The following RBFOX3 variants were observed in gnomAD, a reference collection of about 807,000 sequenced individuals.
The protein encoded by RBFOX3 is RNA binding fox-1 homolog 3, also known as RNA binding protein fox-1 homolog 3.
Under a neutral mutation model 48.7 loss-of-function variants are expected in RBFOX3, and 17 were observed. The observed-to-expected ratio is 0.35, with a 90% confidence interval of 0.24 to 0.52. The LOEUF (loss-of-function observed/expected upper bound fraction) is 0.52, where lower values mean the gene tolerates loss of function less well. Ranked by LOEUF, RBFOX3 falls within the 20% of genes least tolerant of loss-of-function variation. The pLI is 0.94. For missense variants in RBFOX3, 382 were observed against 497.5 expected (o/e 0.77, Z 2.21); for synonymous variants, 212 against 209.5 (o/e 1.01, Z -0.10).
chr17:79,608,588 C>A (rs2093891951), intron 1 of RBFOX3, among the ~76,000 whole-genome samples: 1 of 152,232 alleles, frequency 6.6e-6, no homozygotes. Flanking sequence ...ACGCACGCAG[C>A]CACCTCGCCA....
chr17:79,490,556 G>A (rs1398031456), intron 1 of RBFOX3, among the ~76,000 whole-genome samples: 1 of 152,132 alleles, frequency 6.6e-6, no homozygotes, highest in Non-Finnish European at 1.5e-5. Context: ...CCTGGCTATG[G>A]CTGGCTTGCT....
At chr17:79,599,482 C>G in intron 1 of RBFOX3, 2 of 152,394 alleles carry the variant, frequency 1.3e-5, no homozygotes, top group East Asian at 3.9e-4. Flanking sequence ...CGCTGCTATT[C>G]GTGCCGTGAC....
intron 4 of RBFOX3, chr17:79,208,518 C>T (rs2057857607): frequency 6.6e-6 from 1 of 152,282 alleles, no homozygotes; most frequent in Non-Finnish European, 1.5e-5. Flanking sequence ...GGCTGTTTCC[C>T]CAGGTGGTAT....
In RBFOX3 at chr17:79,216,342, G is replaced by A. The variant is rs191273870; in HGVS notation, c.-34+19424C>T. 6.1e-3 allele frequency among the ~76,000 whole-genome samples: 922 copies of A among 152,346 alleles called. 5 individuals are homozygous for A. The highest frequency in any genetic ancestry group is 7.2e-3 in the Non-Finnish European group (490 of 68,034). On this transcript the variant is annotated intron_variant, in intron 4 of 14. Transcript: ENST00000693108. ...ATGTGAGGAAGTGTACCCACCTGAC[G>A]GAAGAAGGTGGAGACCATGGGGACC...
intron 1 of RBFOX3, among the ~76,000 whole-genome samples, chr17:79,543,769 G>A (rs889414555): frequency 7.2e-5 from 11 of 151,994 alleles, no homozygotes; most frequent in East Asian, 1.9e-4. Flanking sequence ...CCACAGCACC[G>A]TGTGATTCTT....
intron 2 of RBFOX3, among the ~76,000 whole-genome samples, chr17:79,406,241 A>G (rs1405858730): frequency 1.3e-5 from 2 of 152,184 alleles, no homozygotes; most frequent in East Asian, 3.8e-4. Flanking sequence ...GGCAGAGACA[A>G]GCAAACTCTC....
chr17:79,612,231 G>A (rs1032249897), upstream of RBFOX3, among the ~76,000 whole-genome samples: 5 of 152,330 alleles, frequency 3.3e-5, no homozygotes, highest in East Asian at 1.9e-4. Context: ...CTGCACCATC[G>A]AAGGACATTT....
chr17:79,637,624 G>C, the RBFOX3 span, among the ~76,000 whole-genome samples: 1 of 149,396 alleles, frequency 6.7e-6, no homozygotes, highest in African/African-American at 2.5e-5. Flanking sequence ...GAACCCAGGA[G>C]GTGGAGGTTG....
intron 1 of RBFOX3, among the ~76,000 whole-genome samples, chr17:79,517,879 T>A (rs1463123588): frequency 6.6e-6 from 1 of 152,080 alleles, no homozygotes; most frequent in East Asian, 1.9e-4. Context: ...ACACCAAAGC[T>A]CCCGGCAGAT....
chr17:79,628,696 G>A, the RBFOX3 span, among the ~76,000 whole-genome samples: 1 of 152,186 alleles, frequency 6.6e-6, no homozygotes, highest in African/African-American at 2.4e-5. Flanking sequence ...CCATGAGGCA[G>A]CAATTCCCTG....
intron 2 of RBFOX3, among the ~76,000 whole-genome samples, chr17:79,434,011 G>A (rs1172720417): frequency 6.6e-6 from 1 of 152,156 alleles, no homozygotes; most frequent in East Asian, 1.9e-4. Context: ...CATAAGACAC[G>A]TCACAGCCTC....
intron 4 of RBFOX3, among the ~76,000 whole-genome samples, chr17:79,136,768 T>C (rs2040304016): frequency 6.6e-6 from 1 of 152,162 alleles, no homozygotes; most frequent in Non-Finnish European, 1.5e-5. Flanking sequence ...CAGGCGGCAG[T>C]GCCAGGCCAG....
chr17:79,591,882 CGTGTGGAGGGTGTGTGGAGGGGTGTGCAT>C (rs2093427585), intron 1 of RBFOX3, among the ~76,000 whole-genome samples: 9 of 138,064 alleles, frequency 6.5e-5, no homozygotes, highest in South Asian at 2.3e-4. Flanking sequence ...GGCATGTGCA[CGTGTGGAGGGTGTGTGGAGGGGTGTGCAT>C]GTGTGGAGGG....
At chr17:79,221,106 C>T (rs959220089) in intron 4 of RBFOX3, among the ~76,000 whole-genome samples, 5 of 152,208 alleles carry the variant, frequency 3.3e-5, no homozygotes, top group African/African-American at 4.8e-5. Flanking sequence ...TCAGCCCTGC[C>T]GAAAAGCCGA....
intron 2 of RBFOX3, among the ~76,000 whole-genome samples, chr17:79,324,380 C>T (rs953369822): frequency 6.6e-6 from 1 of 152,186 alleles, no homozygotes; most frequent in Non-Finnish European, 1.5e-5. Context: ...AGAGTGTACA[C>T]GCTCCCTTCT....
chr17:79,470,969 C>T (rs1555756615), intron 2 of RBFOX3, among the ~76,000 whole-genome samples: 1 of 152,184 alleles, frequency 6.6e-6, no homozygotes, highest in African/African-American at 2.4e-5. Flanking sequence ...TTTGCCTGAG[C>T]ACAGCCCACT....
intron 4 of RBFOX3, among the ~76,000 whole-genome samples, chr17:79,185,223 A>T (rs950861990): frequency 6.6e-6 from 1 of 152,182 alleles, no homozygotes; most frequent in Non-Finnish European, 1.5e-5. Flanking sequence ...CTGACCTGCA[A>T]TCCTGCTCTG....
intron 2 of RBFOX3, among the ~76,000 whole-genome samples, chr17:79,411,030 T>C (rs76524459): frequency 0.14 from 21,519 of 152,208 alleles, 1,643 homozygotes; most frequent in African/African-American, 0.19. Flanking sequence ...GTGCGATCTC[T>C]GCCAGCTACC....
At chr17:79,656,826 AAAG>A in the RBFOX3 span, among the ~76,000 whole-genome samples, 3 of 143,966 alleles carry the variant, frequency 2.1e-5, no homozygotes, top group African/African-American at 5.3e-5. Context: ...AGAAAGAAAG[AAAG>A]AAAAGAAAGA....
Sources: allele counts gnomAD v4.1 joint callset (sites outside exome capture counted in the v4.1 genomes callset), GRCh38; gene constraint gnomAD v4.1.1; transcripts MANE v1.5; gene names NCBI Gene and HGNC (gene_info 2026-07-23, HGNC 2026-07-21).